ROBO1: variants seen among roughly 807,000 people sequenced by gnomAD.
ROBO1 encodes roundabout guidance receptor 1, also known as roundabout homolog 1.
Under a neutral mutation model 195.9 loss-of-function variants are expected in ROBO1, and 149 were observed. The observed-to-expected ratio is 0.76, with a 90% CI of 0.67 to 0.87. The LOEUF is 0.87. Ranked by LOEUF, ROBO1 falls within the 40% of genes least tolerant of loss-of-function variation. ROBO1 has a pLI of 0.00. For synonymous variants in ROBO1, 816 were observed against 733.2 expected, an observed-to-expected ratio of 1.11 and a Z score of -1.82; for missense variants, 1,933 against 2,068.3, an observed-to-expected ratio of 0.93 and a Z score of 1.27.
intron 2 of ROBO1, among the ~76,000 whole-genome samples, chr3:79,549,995 T>A (rs1942417283): frequency 6.6e-6 from 1 of 151,524 alleles, no homozygotes; most frequent in African/African-American, 2.4e-5. Context: ...CTAGATGGCT[T>A]GAGCCTGTAG....
At chr3:79,432,430 C>T (rs2038714769) in intron 2 of ROBO1, among the ~76,000 whole-genome samples, 2 of 152,044 alleles carry the variant, frequency 1.3e-5, no homozygotes, top group Admixed American at 6.6e-5. Flanking sequence ...GAATTTCAAA[C>T]CCAAACAAAG....
At position 79,611,867 on chromosome 3, in the gene ROBO1, T is replaced by C. The variant is rs571355878; in HGVS notation, c.-50-21906A>G. On this transcript the variant is annotated intron_variant, in intron 1 of 30. Coordinates refer to ENST00000464233, the MANE Select transcript of ROBO1 (RefSeq NM_002941.4). Reference sequence around the variant, plus strand: ...AAAACCTGCGCATTCTGCATATGTATCCCAGAACTTAAAGTATAACAACAA... The same window carrying C: ...AAAACCTGCGCATTCTGCATATGTACCCCAGAACTTAAAGTATAACAACAA... 7.1e-4 allele frequency among the ~76,000 whole-genome samples: 107 copies of C among 151,546 alleles called. 2 individuals are homozygous for C. Among genetic ancestry groups the C allele is most frequent in the Admixed American group, 2.3e-3 (35 of 15,200 alleles).
At position 78,800,214 on chromosome 3, in the gene ROBO1, G is replaced by A. The variant is rs149166080; in HGVS notation, c.500-53314C>T. ...GTATTTTAAAATTCTGCATATTTGG[G>A]GGATAAAAGTAGATTTAGAAAGCAG... On this transcript the variant is annotated intron_variant, in intron 4 of 30. Coordinates refer to ENST00000464233, the MANE Select transcript of ROBO1 (RefSeq NM_002941.4). Among the ~76,000 whole-genome samples the A allele has an allele frequency of 1.5e-3, 235 of 151,956 alleles. 1 individual carries two copies. The highest frequency in any genetic ancestry group is 0.014 in the Middle Eastern group (4 of 294).
chr3:78,945,807 T>C lies in ROBO1; in HGVS notation c.173-6880A>G, dbSNP rs181122097. Among the ~76,000 whole-genome samples the C allele has an allele frequency of 2.2e-4, 34 of 151,998 alleles. No homozygotes were observed. In the South Asian group the frequency reaches 3.3e-3, roughly 15 times the overall value. ...ATGAATGGATAACTAGAAGAACCAA[T>C]ACAGAGAAGTCCTTAAAGGACCTGA... On this transcript the variant is annotated intron_variant, in intron 3 of 30. Coordinates refer to ENST00000464233, the MANE Select transcript of ROBO1 (RefSeq NM_002941.4).
chr3:79,742,882 C>G (rs1177759834), intron 1 of ROBO1, among the ~76,000 whole-genome samples: 1 of 152,144 alleles, frequency 6.6e-6, no homozygotes, highest in Non-Finnish European at 1.5e-5. Context: ...AGCATTTAGA[C>G]ATTTCTGGGC....
intron 4 of ROBO1, among the ~76,000 whole-genome samples, chr3:78,828,237 T>A (rs1322925252): frequency 1.3e-5 from 2 of 151,850 alleles, no homozygotes; most frequent in Non-Finnish European, 2.9e-5. Context: ...AAGTTGATTT[T>A]CACTGATGTT....
chr3:79,607,095 G>GCACACACACACACACA (rs35692271), intron 1 of ROBO1, among the ~76,000 whole-genome samples: 92 of 140,044 alleles, frequency 6.6e-4, no homozygotes, highest in Middle Eastern at 3.8e-3. Context: ...ATTAAAACCT[G>GCACACACACACACACA]CACACACACA....
intron 1 of ROBO1, among the ~76,000 whole-genome samples, chr3:79,749,972 C>T (rs888732914): frequency 2.0e-5 from 3 of 152,184 alleles, no homozygotes; most frequent in African/African-American, 4.8e-5. Flanking sequence ...GGTAGATCCA[C>T]CAACAGCTTG....
intron 2 of ROBO1, among the ~76,000 whole-genome samples, chr3:79,274,099 C>T (rs1453572536): frequency 1.3e-5 from 2 of 151,872 alleles, no homozygotes; most frequent in Non-Finnish European, 2.9e-5. Context: ...TAGTATTGGA[C>T]AGATTATATA....
intron 1 of ROBO1, among the ~76,000 whole-genome samples, chr3:79,686,922 C>T (rs144984696): frequency 1.6e-3 from 237 of 152,194 alleles, no homozygotes; most frequent in African/African-American, 5.4e-3. Flanking sequence ...CAATCCTGAA[C>T]CAAAAGAACA....
intron 4 of ROBO1, among the ~76,000 whole-genome samples, chr3:78,761,464 A>T (rs551846129): frequency 6.6e-6 from 1 of 152,134 alleles, no homozygotes; most frequent in Admixed American, 6.5e-5. Context: ...ATCTTTTTAT[A>T]TTCTATGTTC....
At chr3:79,147,072 A>G (rs1471462074) in intron 2 of ROBO1, among the ~76,000 whole-genome samples, 20 of 152,014 alleles carry the variant, frequency 1.3e-4, no homozygotes, top group African/African-American at 4.8e-5. Flanking sequence ...AGATAGCTGC[A>G]TAACATAAAT....
At chr3:79,642,882 G>T (rs956339675) in intron 1 of ROBO1, among the ~76,000 whole-genome samples, 1 of 152,172 alleles carries the variant, frequency 6.6e-6, no homozygotes, top group Admixed American at 6.5e-5. Context: ...AACATTGTAA[G>T]TATGGTATAC....
chr3:79,551,164 T>C (rs1942494421), intron 2 of ROBO1, among the ~76,000 whole-genome samples: 1 of 152,080 alleles, frequency 6.6e-6, no homozygotes, highest in Non-Finnish European at 1.5e-5. Flanking sequence ...ACACTGTTTT[T>C]TTTTCTTTCA....
chr3:79,447,100 A>T (rs2039286188), intron 2 of ROBO1, among the ~76,000 whole-genome samples: 1 of 152,024 alleles, frequency 6.6e-6, no homozygotes, highest in Non-Finnish European at 1.5e-5. Flanking sequence ...AAGTGCTGGG[A>T]TTACAGGCGT....
At chr3:78,954,551 G>C (rs17016641) in intron 3 of ROBO1, among the ~76,000 whole-genome samples, 21,799 of 151,978 alleles carry the variant, frequency 0.14, 2,308 homozygotes, top group African/African-American at 0.31. Flanking sequence ...CCAATCAGAC[G>C]TTTGAAATGT....
At chr3:78,852,724 G>A (rs574994298) in intron 4 of ROBO1, among the ~76,000 whole-genome samples, 7 of 152,178 alleles carry the variant, frequency 4.6e-5, no homozygotes, top group Admixed American at 4.6e-4. Context: ...GAAGGCAATA[G>A]GACCCTTTGA....
intron 26 of ROBO1, 93 bp from the exon 27 acceptor site, chr3:78,618,134 G>C: frequency 7.6e-7 from 1 of 1,323,126 alleles, no homozygotes; most frequent in Admixed American, 2.7e-5. Flanking sequence ...ATGCAGATTT[G>C]ACCTTTACTT....
intron 2 of ROBO1, among the ~76,000 whole-genome samples, chr3:79,260,133 C>T (rs920041059): frequency 2.6e-5 from 4 of 151,066 alleles, no homozygotes; most frequent in African/African-American, 9.7e-5. Flanking sequence ...TATTTGTATT[C>T]CCATAATGTT....
Sources: allele counts gnomAD v4.1 joint callset (sites outside exome capture counted in the v4.1 genomes callset), GRCh38; gene constraint gnomAD v4.1.1; transcripts MANE v1.5; gene names NCBI Gene and HGNC (gene_info 2026-07-23, HGNC 2026-07-21).